Variants in EPB41L3 observed in about 807,000 individuals in gnomAD.
EPB41L3 encodes the protein band 4.1-like protein 3.
EPB41L3 carries 57 observed loss-of-function variants against 127.1 expected under a neutral mutation model. The ratio of observed to expected loss-of-function variants is 0.45; its 90% CI spans 0.36 to 0.56. The LOEUF (loss-of-function observed/expected upper bound fraction) is 0.56, where lower values mean the gene tolerates loss of function less well. EPB41L3 is among the 20% of genes least tolerant of loss of function. The pLI is 0.00. For synonymous variants in EPB41L3, 572 were observed against 549.5 expected, an observed-to-expected ratio of 1.04 and a Z score of -0.57; for missense variants, 1,273 against 1,372.2, an observed-to-expected ratio of 0.93 and a Z score of 1.14.
chr18:5,522,114 A>T (rs2093015801), intron 1 of EPB41L3, among the ~76,000 whole-genome samples: 2 of 151,760 alleles, frequency 1.3e-5, no homozygotes, highest in East Asian at 1.9e-4. Context: ...TTATTTATTT[A>T]TTTTTTAGAG....
Position 5,395,150 on chromosome 18 carries a change from G to T in EPB41L3, c.3073-3C>A. ...TCTGAAATGCCCCCTTTCACAGTCT[G>T]CAAGACACGTAGAGAAGCTTTATGA... On this transcript the variant is annotated splice_polypyrimidine_tract_variant and splice_region_variant and intron_variant, in intron 20 of 22. Coordinates refer to ENST00000341928, the MANE Select transcript of EPB41L3 (RefSeq NM_012307.5). The T allele has an allele frequency of 6.2e-7, 1 of 1,613,346 alleles. No individual in the cohort carries two copies. Among genetic ancestry groups the T allele is most frequent in the Middle Eastern group, 1.7e-4 (1 of 6,060 alleles).
intron 1 of EPB41L3, among the ~76,000 whole-genome samples, chr18:5,541,084 C>CAAAAA (rs147766745): frequency 2.6e-5 from 2 of 76,322 alleles, no homozygotes; most frequent in African/African-American, 5.7e-5. Context: ...GACTCCGTCT[C>CAAAAA]AAAAAAAAAA....
At chr18:5,603,578 T>C (rs1031282863) in intron 3 of EPB41L3, among the ~76,000 whole-genome samples, 9 of 152,168 alleles carry the variant, frequency 5.9e-5, no homozygotes, top group African/African-American at 2.2e-4. Flanking sequence ...AGTCAGCAAC[T>C]GCAGGAGCTA....
At chr18:5,494,831 G>C (rs1462192270) in intron 1 of EPB41L3, among the ~76,000 whole-genome samples, 2 of 152,196 alleles carry the variant, frequency 1.3e-5, no homozygotes, top group East Asian at 3.9e-4. Flanking sequence ...AGAGTGATGA[G>C]AGGTGAGGAA....
intron 1 of EPB41L3, among the ~76,000 whole-genome samples, chr18:5,527,901 T>C (rs991283238): frequency 2.0e-5 from 3 of 152,106 alleles, no homozygotes; most frequent in African/African-American, 7.2e-5. Context: ...CACCATAGAA[T>C]ACTACAGATA....
chr18:5,593,513 T>C (rs143491916), intron 3 of EPB41L3, among the ~76,000 whole-genome samples: 5 of 152,068 alleles, frequency 3.3e-5, no homozygotes, highest in East Asian at 1.9e-4. Flanking sequence ...ACAAGGCAAA[T>C]GGAGGCAGGG....
At chr18:5,585,831 G>T (rs562092447) in intron 3 of EPB41L3, among the ~76,000 whole-genome samples, 1 of 152,214 alleles carries the variant, frequency 6.6e-6, no homozygotes, top group South Asian at 2.1e-4. Flanking sequence ...AGAAGCGGGG[G>T]TATTTCTCCC....
At chr18:5,427,003 A>C (rs2078276989) in intron 9 of EPB41L3, among the ~76,000 whole-genome samples, 1 of 151,956 alleles carries the variant, frequency 6.6e-6, no homozygotes, top group Non-Finnish European at 1.5e-5. Context: ...TTTATGTTTC[A>C]ATTTTTTTGT....
At chr18:5,560,846 T>C (rs1484691919) in intron 3 of EPB41L3, among the ~76,000 whole-genome samples, 3 of 152,112 alleles carry the variant, frequency 2.0e-5, no homozygotes, top group East Asian at 3.8e-4. Context: ...GGCAAATCCT[T>C]TATGAGAAGC....
Position 5,406,966 on chromosome 18 carries a change from C to T in EPB41L3, c.2160G>A (p.Glu720=). The change falls in exon 16 of 23, where the codon GAG becomes GAA. Residue 720 remains glutamate (E), a splice_region_variant and synonymous_variant. Transcript: ENST00000341928. The part of the protein sequence containing the change: ...QEEDAELKAQ[E]LEKTQDDLMK... ...TCAGGTCATCTTGAGTTTTTTCTAG[C>T]TCCTATATTCAGAACATAAAGTATC... 6.2e-7 allele frequency: 1 copy of T among 1,613,788 alleles called. No homozygotes were observed.
At chr18:5,611,780 A>C (rs2094728111) in intron 3 of EPB41L3, among the ~76,000 whole-genome samples, 7 of 152,076 alleles carry the variant, frequency 4.6e-5, no homozygotes, top group Admixed American at 4.6e-4. Context: ...ATTTTTAAAA[A>C]TTAGCCAGGC....
chr18:5,452,574 T>A (rs1383087439), intron 3 of EPB41L3, among the ~76,000 whole-genome samples: 1 of 152,142 alleles, frequency 6.6e-6, no homozygotes, highest in African/African-American at 2.4e-5. Flanking sequence ...CTTTCTATGC[T>A]GCCCCAGGCT....
chr18:5,527,668 G>T (rs1291987884), intron 1 of EPB41L3, among the ~76,000 whole-genome samples: 4 of 152,210 alleles, frequency 2.6e-5, no homozygotes, highest in African/African-American at 9.7e-5. Flanking sequence ...GTAGGATGTT[G>T]TGGGGGTTGG....
intron 1 of EPB41L3, among the ~76,000 whole-genome samples, chr18:5,496,932 T>C (rs1338547993): frequency 6.6e-6 from 1 of 152,200 alleles, no homozygotes; most frequent in South Asian, 2.1e-4. Flanking sequence ...ATAAAAAGTG[T>C]CAGAGATAGA....
At chr18:5,588,638 T>C (rs1599142153) in intron 3 of EPB41L3, among the ~76,000 whole-genome samples, 1 of 151,964 alleles carries the variant, frequency 6.6e-6, no homozygotes, top group African/African-American at 2.4e-5. Flanking sequence ...ATTTTTCAAA[T>C]GAGAAAAGTA....
chr18:5,431,296 C>T (rs2078975395), intron 8 of EPB41L3: 1 of 152,200 alleles, frequency 6.6e-6, no homozygotes, highest in Non-Finnish European at 1.5e-5. Flanking sequence ...GTCTTTCACA[C>T]CGTCAACAGA....
rs960078661 is a variant in EPB41L3 at position 5,457,328 on chromosome 18, T to C, written c.382-12084A>G. 5.3e-5 allele frequency among the ~76,000 whole-genome samples: 8 copies of C among 152,224 alleles called. 1 individual carries two copies. The highest frequency in any genetic ancestry group is 4.6e-4 in the Admixed American group (7 of 15,276). On this transcript the variant is annotated intron_variant, in intron 3 of 22. Transcript: ENST00000341928. ...CCTGGAGCTTATCTGCCCTCGGGGC[T>C]GAACTTGAGTAAGGTTCAGGACTGA...
rs1425118796 is a variant in EPB41L3, at chr18:5,397,843, G to T, written c.2472+178C>A. On this transcript the variant is annotated intron_variant, in intron 17 of 22. Coordinates refer to ENST00000341928, the MANE Select transcript of EPB41L3 (RefSeq NM_012307.5). The surrounding 1 kb of genome is among the most constrained non-coding windows in gnomAD (Gnocchi z 4.1). Reference sequence around the variant, plus strand: ...GAATAGTGAAGTACATTCTTGAGATGCAACTAAAGGCATGTGACAGATATG... The same window carrying T: ...GAATAGTGAAGTACATTCTTGAGATTCAACTAAAGGCATGTGACAGATATG... Among the ~76,000 whole-genome samples the T allele has an allele frequency of 6.6e-6, 1 of 152,098 alleles. No homozygotes were observed. The highest frequency in any genetic ancestry group is 1.5e-5 in the Non-Finnish European group (1 of 68,036).
intron 3 of EPB41L3, among the ~76,000 whole-genome samples, chr18:5,470,254 A>C (rs1599390466): frequency 6.6e-6 from 1 of 152,178 alleles, no homozygotes; most frequent in African/African-American, 2.4e-5. Flanking sequence ...TCCAGATATA[A>C]AATTGTTTGA....
Sources: allele counts gnomAD v4.1 joint callset (sites outside exome capture counted in the v4.1 genomes callset), GRCh38; gene constraint gnomAD v4.1.1; non-coding constraint Gnocchi (gnomAD v3.1); transcripts MANE v1.5; gene names NCBI Gene and HGNC (gene_info 2026-07-23, HGNC 2026-07-21).